COQ8B: variants seen among roughly 807,000 people sequenced by gnomAD.
The protein encoded by COQ8B is coenzyme Q8B, also known as atypical kinase COQ8B, mitochondrial.
In COQ8B, 44 loss-of-function variants were observed where a neutral mutation model predicts 62.0. The observed-to-expected ratio is 0.71, with a 90% CI of 0.56 to 0.91. The LOEUF (loss-of-function observed/expected upper bound fraction) is 0.91. Ranked by LOEUF, COQ8B falls within the 40% of genes least tolerant of loss-of-function variation. The probability of loss-of-function intolerance (pLI) is 0.00; values close to 1 mark genes in which losing one functional copy is unlikely to be tolerated. For missense variants in COQ8B, 649 were observed against 731.6 expected (o/e 0.89, Z 1.30); for synonymous variants, 252 against 289.9 (o/e 0.87, Z 1.33).
intron 13 of COQ8B, among the ~76,000 whole-genome samples, chr19:40,695,398 G>A (rs1395977220): frequency 2.6e-5 from 4 of 151,768 alleles, no homozygotes; most frequent in Admixed American, 2.0e-4. Flanking sequence ...AGGACCCAGG[G>A]CAAATGTCCA....
At chr19:40,715,151 G>A (rs1013977165) in intron 1 of COQ8B, 20 of 986,040 alleles carry the variant, frequency 2.0e-5, no homozygotes, top group Admixed American at 6.1e-5. Context: ...AACCAATGGC[G>A]CGGCAGCAAC....
chr19:40,700,315 T>G lies in COQ8B; in HGVS notation c.1030A>C (p.Asn344His). 6.2e-7 allele frequency: 1 copy of G among 1,613,604 alleles called. No individual in the cohort carries two copies. ...TGTGCCACCAGACAGCATACCTGGT[T>G]CCGCAGGTCCTGGCTTAGGCCCTGG... ...QCQGLSQDLR[N>H]QICFQLLTLC... Residue 344 changes from asparagine to histidine, a missense_variant, in exon 11 of 15, where the codon AAC becomes CAC. Coordinates refer to ENST00000324464, the MANE Select transcript of COQ8B (RefSeq NM_024876.4).
At chr19:40,697,851 T>TATATATATAGAGAGAG (rs1446181673) in intron 12 of COQ8B, among the ~76,000 whole-genome samples, 3 of 54,752 alleles carry the variant, frequency 5.5e-5, no homozygotes, top group Non-Finnish European at 9.4e-5. Flanking sequence ...TATATATATA[T>TATATATATAGAGAGAG]AGAGAGAGAG....
chr19:40,697,237 G>A (rs1187847540), intron 12 of COQ8B, among the ~76,000 whole-genome samples: 1 of 151,640 alleles, frequency 6.6e-6, no homozygotes, highest in African/African-American at 2.4e-5. Context: ...TCAGCCTCCT[G>A]GGTAGCTGGG....
intron 12 of COQ8B, among the ~76,000 whole-genome samples, chr19:40,699,521 CA>C (rs1179022553): frequency 2.6e-5 from 4 of 152,168 alleles, no homozygotes; most frequent in Non-Finnish European, 5.9e-5. Context: ...AGGCAAGGGT[CA>C]GGGATGTCTT....
chr19:40,692,279 C>T lies in COQ8B; in HGVS notation c.1391G>A (p.Arg464His), dbSNP rs185934352. Reference sequence around the variant, plus strand: ...CACCGGGATGAGGTCCTGTATGCGGCGGGCCGTTTCCCCCGACCCAAAGTC... The same window carrying T: ...CACCGGGATGAGGTCCTGTATGCGGTGGGCCGTTTCCCCCGACCCAAAGTC... ...PYDFGSGETA[R>H]RIQDLIPVLL... The change falls in exon 15 of 15, where the codon CGC becomes CAC. Residue 464 changes from arginine to histidine, a missense_variant. Transcript: ENST00000324464. The T allele has an allele frequency of 2.7e-5, 44 of 1,613,506 alleles. No individual in the cohort carries two copies. In the East Asian group the frequency reaches 5.6e-4, roughly 20 times the overall value.
At chr19:40,715,383 C>T (rs1342266738) in intron 1 of COQ8B, 9 of 985,564 alleles carry the variant, frequency 9.1e-6, no homozygotes, top group Non-Finnish European at 1.1e-5. Flanking sequence ...TGCAAAGTCT[C>T]CCTTACAAAC....
At position 40,707,652 on chromosome 19, in the gene COQ8B, G is replaced by A. The variant is rs368219692; in HGVS notation, c.368-2205C>T. Among the ~76,000 whole-genome samples, 46 of 152,112 alleles carry A rather than the reference G, an allele frequency of 3.0e-4. No homozygotes were observed. In the East Asian group the frequency reaches 3.9e-3, roughly 13 times the overall value. ...GTATTTTTAGTAGAATCAGGATTTC[G>A]CCATATTGGACAGGCTGGTCTTGAA... On this transcript the variant is annotated intron_variant, in intron 5 of 14. Coordinates refer to ENST00000324464, the MANE Select transcript of COQ8B (RefSeq NM_024876.4).
chr19:40,705,204 G>A (rs1164196331), intron 6 of COQ8B, 23 bp from the exon 7 acceptor site: 1 of 1,611,906 alleles, frequency 6.2e-7, no homozygotes, highest in Admixed American at 1.7e-5. Flanking sequence ...TGGAACCAGG[G>A]GGGAAGTAAG....
At chr19:40,703,975 T>C in intron 7 of COQ8B, 120 bp from the exon 8 acceptor site, 2 of 1,293,832 alleles carry the variant, frequency 1.5e-6, no homozygotes, top group East Asian at 2.6e-5. Flanking sequence ...AGCTCTTGGC[T>C]GCCACCCCCT....
At position 40,692,994 on chromosome 19, in the gene COQ8B, T is replaced by A; in HGVS notation, c.1253A>T (p.Gln418Leu). The A allele has an allele frequency of 6.2e-7, 1 of 1,614,040 alleles. No homozygotes were observed. The highest frequency in any genetic ancestry group is 2.2e-5 in the East Asian group (1 of 44,886). Residue 418 changes from glutamine to leucine, a missense_variant, in exon 14 of 15, where the codon CAG (glutamine) becomes CTG (leucine). Transcript: ENST00000324464. ...GAGGAATTTGAGGTCCCTGGACTTC[T>A]GCAGGACACAGTCTCTGTCTCCATC... ...AADGDRDCVL[Q>L]KSRDLKFLTG...
chr19:40,692,446 A>C, intron 14 of COQ8B, 73 bp from the exon 15 acceptor site: 1 of 1,336,464 alleles, frequency 7.5e-7, no homozygotes, highest in Non-Finnish European at 1.0e-6. Flanking sequence ...CCCAGAAACA[A>C]CGTGTAGCCT....
chr19:40,705,372 G>A lies in COQ8B; in HGVS notation c.443C>T (p.Thr148Ile), dbSNP rs145416274. The A allele has an allele frequency of 6.2e-6, 10 of 1,601,846 alleles. No homozygotes were observed. In the Admixed American group the frequency reaches 1.3e-4, roughly 21 times the overall value. ...NAERIVQTLC[T>I]VRGAALKVGQ... The stretch of plus-strand genomic sequence containing the variant: ...AACCTTGAGGGCGGCCCCTCGAACT[G>A]TACATAAGGTCTGCACAATCCGCTC... The change falls in exon 6 of 15, where the codon ACA (threonine) becomes ATA (isoleucine). Residue 148 changes from threonine to isoleucine, a missense_variant. Thr to Ile is a moderately conservative substitution (Grantham distance 89, BLOSUM62 -1). Transcript: ENST00000324464.
intron 5 of COQ8B, among the ~76,000 whole-genome samples, chr19:40,706,789 T>C (rs537207010): frequency 1.8e-4 from 28 of 152,338 alleles, no homozygotes; most frequent in African/African-American, 6.3e-4. Flanking sequence ...ATTTCTAATA[T>C]GGTAGACATT....
In COQ8B at chr19:40,692,260, GA is replaced by G; in HGVS notation, c.1409del (p.Ile470ThrfsTer?). 6.2e-7 allele frequency: 1 copy of G among 1,613,412 alleles called. No homozygotes were observed. Among genetic ancestry groups the G allele is most frequent in the Non-Finnish European group, 8.5e-7 (1 of 1,179,676 alleles). ...ACAGCCGGTGCCGCAGCAGCACCGG[GA>G]TGAGGTCCTGTATGCGGCGGGCCGT... ...GETARRIQDL[I>X]PVLLRHRLCP... On this transcript the variant is annotated frameshift_variant, in exon 15 of 15. Transcript: ENST00000324464. LOFTEE classifies it low-confidence loss of function (END_TRUNC).
intron 12 of COQ8B, 75 bp from the exon 13 acceptor site, chr19:40,696,129 C>T: frequency 6.6e-7 from 1 of 1,504,830 alleles, no homozygotes; most frequent in Non-Finnish European, 9.2e-7. Context: ...CAGCCAGGAT[C>T]TGTCTCCCTC....
chr19:40,701,982 G>A (rs921588371), intron 10 of COQ8B, among the ~76,000 whole-genome samples: 6 of 152,188 alleles, frequency 3.9e-5, no homozygotes, highest in African/African-American at 1.4e-4. Context: ...TTCCACAGAT[G>A]AATATACCGT....
intron 7 of COQ8B, 56 bp downstream of exon 7, chr19:40,705,040 A>G: frequency 6.7e-7 from 1 of 1,482,224 alleles, no homozygotes; most frequent in Non-Finnish European, 9.1e-7. Context: ...AAGGTCAGGC[A>G]GGTCAGAGGA....
chr19:40,704,103 T>C, intron 7 of COQ8B: 1 of 478,996 alleles, frequency 2.1e-6, no homozygotes, highest in Non-Finnish European at 3.7e-6. Flanking sequence ...CTCCCTGGGC[T>C]GTTGTGGGGA....
Sources: allele counts gnomAD v4.1 joint callset (sites outside exome capture counted in the v4.1 genomes callset), GRCh38; gene constraint gnomAD v4.1.1; transcripts MANE v1.5; gene names NCBI Gene and HGNC (gene_info 2026-07-23, HGNC 2026-07-21).